PCDH7: variants seen among roughly 807,000 people sequenced by gnomAD.
PCDH7 encodes protocadherin-7.
PCDH7 carries 17 observed loss-of-function variants against 58.9 expected under a neutral mutation model. The ratio of observed to expected loss-of-function variants is 0.29; its 90% CI spans 0.20 to 0.43. The LOEUF (loss-of-function observed/expected upper bound fraction) is 0.43, where lower values mean the gene tolerates loss of function less well. Ranked by LOEUF, PCDH7 falls within the 20% of genes least tolerant of loss-of-function variation. PCDH7 has a pLI of 1.00. For synonymous variants in PCDH7, 664 were observed against 616.4 expected (o/e 1.08, Z -1.14); for missense variants, 1,274 against 1,441.0 (o/e 0.88, Z 1.88).
intron 3 of PCDH7, among the ~76,000 whole-genome samples, chr4:30,990,742 C>A (rs1269569956): frequency 6.6e-6 from 1 of 152,046 alleles, no homozygotes; most frequent in African/African-American, 2.4e-5. Context: ...ATCATTGAAA[C>A]CATTTTCAAG....
chr4:30,942,225 T>C (rs577410664), intron 2 of PCDH7, among the ~76,000 whole-genome samples: 1 of 152,098 alleles, frequency 6.6e-6, no homozygotes, highest in African/African-American at 2.4e-5. Context: ...TTACACATGC[T>C]TTAATATTTT....
At chr4:30,766,562 C>A (rs1331585298) in intron 1 of PCDH7, among the ~76,000 whole-genome samples, 1 of 151,720 alleles carries the variant, frequency 6.6e-6, no homozygotes, top group Non-Finnish European at 1.5e-5. Context: ...ATTTTTAAAT[C>A]CATTCAACTG....
chr4:30,738,688 G>T (rs114696861), intron 1 of PCDH7, among the ~76,000 whole-genome samples: 2,136 of 152,206 alleles, frequency 0.014, 25 homozygotes, highest in South Asian at 0.021. Flanking sequence ...AAATTTAACA[G>T]TTCTTTTTAA....
rs1751494292 is a variant in PCDH7, at chr4:30,991,918, A to G, written c.*7+41703A>G. 2.0e-5 allele frequency among the ~76,000 whole-genome samples: 3 copies of G among 152,212 alleles called. No individual in the cohort carries two copies. In the South Asian group the frequency reaches 6.2e-4, roughly 31 times the overall value. On this transcript the variant is annotated intron_variant, in intron 3 of 3. Transcript: ENST00000509759. ...GAAGAATTTTACTAAATATTTGAAA[A>G]GACTTCATGCAATTATTTGGCATGG...
At position 30,806,495 on chromosome 4, in the gene PCDH7, G is replaced by A. The variant is rs571730495; in HGVS notation, c.70+81899G>A. On this transcript the variant is annotated intron_variant, in intron 1 of 3. Coordinates refer to the PCDH7 transcript ENST00000509759. ...ATTTTGTACTTTTTTTAGTAAAGAA[G>A]GGGTTTCACCATGTTGGTCAGGCTG... 5.3e-5 allele frequency among the ~76,000 whole-genome samples: 8 copies of A among 151,850 alleles called. No individual in the cohort carries two copies. The East Asian group carries it at 1.4e-3, about 26-fold the overall frequency.
intron 3 of PCDH7, among the ~76,000 whole-genome samples, chr4:31,097,587 CATATAT>C (rs1190443409): frequency 4.9e-3 from 198 of 40,008 alleles, no homozygotes; most frequent in Middle Eastern, 0.017. Flanking sequence ...TCCAAATATA[CATATAT>C]ATATATATAT....
intron 1 of PCDH7, among the ~76,000 whole-genome samples, chr4:30,748,152 A>G (rs575675005): frequency 2.8e-4 from 42 of 152,350 alleles, no homozygotes; most frequent in Admixed American, 2.4e-3. Context: ...AAACTTTTAC[A>G]AACTATTTAT....
rs114865550 is a variant in PCDH7 at position 30,895,592 on chromosome 4, A to G, written c.71-24561A>G. ...CATGCAGAGTAGCACTTCTTCTGTCAGCTGGCCAGTGGTAAAAGTTAGAGC... is the reference window on the plus strand; with the variant it reads ...CATGCAGAGTAGCACTTCTTCTGTCGGCTGGCCAGTGGTAAAAGTTAGAGC... On this transcript the variant is annotated intron_variant, in intron 1 of 3. Coordinates refer to the PCDH7 transcript ENST00000509759. Among the ~76,000 whole-genome samples the G allele has an allele frequency of 4.4e-3, 674 of 152,234 alleles. 1 individual carries two copies. The highest frequency in any genetic ancestry group is 0.015 in the African/African-American group (641 of 41,542).
intron 3 of PCDH7, among the ~76,000 whole-genome samples, chr4:31,038,527 G>A (rs945425191): frequency 6.6e-6 from 1 of 152,048 alleles, no homozygotes. Flanking sequence ...GTTTACTGCT[G>A]TCTTATTTTT....
chr4:31,114,989 T>A (rs957448824), intron 3 of PCDH7, among the ~76,000 whole-genome samples: 1 of 152,188 alleles, frequency 6.6e-6, no homozygotes, highest in East Asian at 1.9e-4. Context: ...TTTATATTCA[T>A]TATTGCCGCT....
At chr4:30,974,080 C>A (rs1017365802) in intron 3 of PCDH7, among the ~76,000 whole-genome samples, 1 of 151,914 alleles carries the variant, frequency 6.6e-6, no homozygotes, top group Admixed American at 6.6e-5. Flanking sequence ...TAGATGTTTT[C>A]TTATTTCTCA....
chr4:30,791,862 TACAAGTTCCTCCGACTACTAGTA>T (rs1211430250), intron 1 of PCDH7, among the ~76,000 whole-genome samples: 23 of 152,338 alleles, frequency 1.5e-4, no homozygotes, highest in African/African-American at 5.5e-4. Flanking sequence ...TAAGGGTATA[TACAAGTTCCTCCGACTACTAGTA>T]GCATAAGAAT....
At chr4:31,056,445 A>AGAAG (rs1757186031) in intron 3 of PCDH7, among the ~76,000 whole-genome samples, 5 of 52,292 alleles carry the variant, frequency 9.6e-5, no homozygotes, top group Non-Finnish European at 1.3e-4. Flanking sequence ...AAAGAAGGAA[A>AGAAG]GAAAGAAAGA....
chr4:30,851,704 G>A (rs1359275122), intron 1 of PCDH7, among the ~76,000 whole-genome samples: 1 of 151,962 alleles, frequency 6.6e-6, no homozygotes, highest in Non-Finnish European at 1.5e-5. Flanking sequence ...AAGAAACTGA[G>A]TGTAGTAACC....
intron 1 of PCDH7, among the ~76,000 whole-genome samples, chr4:30,888,305 G>C (rs942288877): frequency 6.6e-6 from 1 of 151,906 alleles, no homozygotes; most frequent in African/African-American, 2.4e-5. Context: ...CACACACACA[G>C]AATCTGATAA....
At chr4:31,102,603 G>A (rs545375008) in intron 3 of PCDH7, among the ~76,000 whole-genome samples, 1 of 151,416 alleles carries the variant, frequency 6.6e-6, no homozygotes, top group South Asian at 2.1e-4. Flanking sequence ...AACCGGGGAG[G>A]TGAAGGCTGA....
At chr4:30,827,111 T>C (rs1729192488) in intron 1 of PCDH7, among the ~76,000 whole-genome samples, 2 of 152,148 alleles carry the variant, frequency 1.3e-5, no homozygotes, top group Non-Finnish European at 2.9e-5. Context: ...CATATAAAGT[T>C]ACAGTTAAGT....
chr4:31,063,242 CT>C (rs1431693180), intron 3 of PCDH7, among the ~76,000 whole-genome samples: 1 of 151,734 alleles, frequency 6.6e-6, no homozygotes, highest in Non-Finnish European at 1.5e-5. Context: ...TATGAATGCC[CT>C]TTCCATCAAA....
chr4:30,981,166 C>T (rs1193764380), intron 3 of PCDH7, among the ~76,000 whole-genome samples: 2 of 152,096 alleles, frequency 1.3e-5, no homozygotes, highest in Non-Finnish European at 1.5e-5. Context: ...TAATCATGAA[C>T]GTTTAAAAGA....
Sources: allele counts gnomAD v4.1 joint callset (sites outside exome capture counted in the v4.1 genomes callset), GRCh38; gene constraint gnomAD v4.1.1; transcripts MANE v1.5; gene names NCBI Gene and HGNC (gene_info 2026-07-23, HGNC 2026-07-21).